Variants in SEZ6 observed in about 807,000 individuals in gnomAD.
SEZ6 encodes seizure protein 6 homolog.
Under a neutral mutation model 101.0 loss-of-function variants are expected in SEZ6, and 53 were observed. The ratio of observed to expected loss-of-function variants is 0.52; its 90% CI spans 0.42 to 0.66. The LOEUF is 0.66. Among genes scored for constraint, SEZ6 ranks in the 30% least tolerant of loss-of-function variants. SEZ6 has a pLI of 0.00. For missense variants in SEZ6, 1,102 were observed against 1,289.4 expected (o/e 0.85, Z 2.23); for synonymous variants, 488 against 512.2 (o/e 0.95, Z 0.64).
intron 1 of SEZ6, among the ~76,000 whole-genome samples, chr17:28,999,869 T>A (rs1479295125): frequency 1.3e-5 from 2 of 152,198 alleles, no homozygotes; most frequent in African/African-American, 2.4e-5. Flanking sequence ...ATAGTTCACC[T>A]GACTCCCAGC....
At chr17:28,991,893 CA>C (rs1458267149) in intron 1 of SEZ6, among the ~76,000 whole-genome samples, 2 of 152,168 alleles carry the variant, frequency 1.3e-5, no homozygotes, top group African/African-American at 4.8e-5. Flanking sequence ...AGCTCAGAGC[CA>C]GTTTAGGAGG....
In SEZ6 at chr17:28,955,646, A is replaced by C. The variant is rs1214487097; in HGVS notation, c.*316T>G. On this transcript the variant is annotated 3_prime_UTR_variant, in exon 17 of 17. Coordinates refer to ENST00000317338, the MANE Select transcript of SEZ6 (RefSeq NM_178860.5). ...TACTCCTGCTCTGCTAGTGTGTTCC[A>C]GGCTGGTCCAGGGCATGAGGAGGCT... is the stretch of plus-strand genomic sequence containing the variant. 6 of 589,634 alleles carry C rather than the reference A, an allele frequency of 1.0e-5. No homozygotes were observed. In the African/African-American group the frequency reaches 1.1e-4, roughly 11 times the overall value. The allele number at this position is 589,634 out of a possible 1,614,324, so 36.5% of individuals were successfully genotyped here.
At chr17:29,000,796 G>C (rs1293176888) in intron 1 of SEZ6, among the ~76,000 whole-genome samples, 1 of 152,196 alleles carries the variant, frequency 6.6e-6, no homozygotes, top group Non-Finnish European at 1.5e-5. Flanking sequence ...TCAGCCATTA[G>C]GGGTAGTGGG....
chr17:28,966,439 C>T lies in SEZ6; in HGVS notation c.1055-2292G>A, dbSNP rs147403771. On this transcript the variant is annotated intron_variant, in intron 4 of 16. Coordinates refer to ENST00000317338, the MANE Select transcript of SEZ6 (RefSeq NM_178860.5). The stretch of plus-strand genomic sequence containing the variant: ...CAGAGGTTGCAGTGAGTGGAGATTG[C>T]GCTACTGCACTCCAGCCTGGGCGGC... Among the ~76,000 whole-genome samples, 836 of 150,794 alleles carry T rather than the reference C, an allele frequency of 5.5e-3. 8 individuals carry two copies. Among genetic ancestry groups the T allele is most frequent in the African/African-American group, 0.019 (785 of 41,038 alleles).
Position 28,959,619 on chromosome 17 carries a change from T to C in SEZ6, c.1771+79A>G. 2.0e-6 allele frequency: 3 copies of C among 1,531,854 alleles called. No homozygotes were observed. Among genetic ancestry groups the C allele is most frequent in the South Asian group, 2.5e-5 (2 of 79,598 alleles). The allele number at this position is 1,531,854 out of a possible 1,614,324, so 94.9% of individuals were successfully genotyped here. Reference sequence around the variant, plus strand: ...AACCACGCATATCACAGGGCCCCTGTGGCCCCGGGCTCTGCTGCTATTCTC... The same window carrying C: ...AACCACGCATATCACAGGGCCCCTGCGGCCCCGGGCTCTGCTGCTATTCTC... On this transcript the variant is annotated intron_variant, in intron 8 of 16. Transcript: ENST00000317338. This position sits in a 1 kb window ranked among gnomAD's most constrained non-coding sequence, Gnocchi z 4.4.
chr17:28,968,168 G>A (rs1490438572), intron 4 of SEZ6, among the ~76,000 whole-genome samples: 1 of 152,192 alleles, frequency 6.6e-6, no homozygotes, highest in South Asian at 2.1e-4. Flanking sequence ...TCTAGCCCAC[G>A]GAGATTTGCG....
intron 1 of SEZ6, among the ~76,000 whole-genome samples, chr17:28,998,335 G>A (rs1435247491): frequency 6.6e-6 from 1 of 151,868 alleles, no homozygotes; most frequent in Non-Finnish European, 1.5e-5. Context: ...AGAGAGAAGA[G>A]CCTGTTGAGA....
rs2041680265 is a variant in SEZ6, at chr17:29,005,746, G to A, written c.55+69C>T. 1 of 1,425,208 alleles carries A rather than the reference G, an allele frequency of 7.0e-7. No homozygotes were observed. The highest frequency in any genetic ancestry group is 9.3e-7 in the Non-Finnish European group (1 of 1,075,594). The allele number at this position is 1,425,208 out of a possible 1,614,324, so 88.3% of individuals were successfully genotyped here. A position where few individuals can be genotyped will look rare whatever the true frequency, so the allele number is the denominator to read the frequency against. ...GCCAGATGCCCGAAGCTGGGCACCG[G>A]GTCTCCCTTCCCACCCCTGGGGCCC... On this transcript the variant is annotated intron_variant, in intron 1 of 16. Coordinates refer to ENST00000317338, the MANE Select transcript of SEZ6 (RefSeq NM_178860.5). This position sits in a 1 kb window ranked among gnomAD's most constrained non-coding sequence, Gnocchi z 4.8.
chr17:28,976,747 C>A (rs971259766), intron 3 of SEZ6, among the ~76,000 whole-genome samples: 1 of 152,206 alleles, frequency 6.6e-6, no homozygotes, highest in African/African-American at 2.4e-5. Context: ...CCCTACACAA[C>A]AAAGCCACCT....
rs759125535 is a variant in SEZ6 at position 28,981,708 on chromosome 17, T to C, written c.387A>G (p.Val129=). The stretch of plus-strand genomic sequence containing the variant: ...CCTCCTTGGACTGGGGCTGAGTGGG[T>C]ACCGCAGCCATGGCTGGAGTGGGGC... ...FTSPTPAMAA[V]PTQPQSKEGP... The change falls in exon 2 of 17, where the codon GTA becomes GTG. Residue 129 remains valine (V), a synonymous_variant. Transcript: ENST00000317338. 1 of 1,592,278 alleles carries C rather than the reference T, an allele frequency of 6.3e-7. No homozygotes were observed. Among genetic ancestry groups the C allele is most frequent in the South Asian group, 1.1e-5 (1 of 88,442 alleles).
At position 29,005,078 on chromosome 17, in the gene SEZ6, GGTGTGTGTGTGT is replaced by G. The variant is rs58063439; in HGVS notation, c.55+725_55+736del. On this transcript the variant is annotated intron_variant, in intron 1 of 16. Transcript: ENST00000317338. The surrounding 1 kb of genome is among the most constrained non-coding windows in gnomAD (Gnocchi z 4.8). ...GGAGGGAGGCAGAGCTCGGGGCAGT[GGTGTGTGTGTGT>G]GTGTGTGTGTGTGTGTGTGTGTGTG... Among the ~76,000 whole-genome samples the G allele has an allele frequency of 1.0e-4, 14 of 137,762 alleles. No individual in the cohort carries two copies. Among genetic ancestry groups the G allele is most frequent in the Admixed American group, 9.9e-4 (14 of 14,080 alleles). 90.4% of individuals were successfully genotyped at this position (137,762 alleles called of 152,430 possible).
chr17:28,967,752 G>A (rs2041091817), intron 4 of SEZ6, among the ~76,000 whole-genome samples: 1 of 152,170 alleles, frequency 6.6e-6, no homozygotes. Context: ...AACTGGGCTG[G>A]AATGGGGTGG....
At chr17:28,998,426 G>T (rs948659070) in intron 1 of SEZ6, among the ~76,000 whole-genome samples, 1 of 151,890 alleles carries the variant, frequency 6.6e-6, no homozygotes, top group Non-Finnish European at 1.5e-5. Flanking sequence ...GGACCCAGGG[G>T]TAGGGAGGGA....
Position 28,958,149 on chromosome 17 carries a change from C to T in SEZ6, c.2108-8G>A. The T allele has an allele frequency of 1.9e-6, 3 of 1,582,452 alleles. No homozygotes were observed. Among genetic ancestry groups the T allele is most frequent in the Non-Finnish European group, 2.6e-6 (3 of 1,157,452 alleles). On this transcript the variant is annotated splice_polypyrimidine_tract_variant and splice_region_variant and intron_variant, in intron 10 of 16. Coordinates refer to ENST00000317338, the MANE Select transcript of SEZ6 (RefSeq NM_178860.5). ...TGTCATTGCGGGGCACCTCTGGGGG[C>T]ACAGAGGCACAAGATGCAGGCCCTC...
chr17:28,990,942 G>A (rs909000411), intron 1 of SEZ6, among the ~76,000 whole-genome samples: 2 of 152,118 alleles, frequency 1.3e-5, no homozygotes, highest in African/African-American at 4.8e-5. Context: ...GTCTCACTCT[G>A]TCACTCAGGC....
intron 1 of SEZ6, among the ~76,000 whole-genome samples, chr17:28,991,755 G>T (rs1211005341): frequency 6.6e-6 from 1 of 152,114 alleles, no homozygotes; most frequent in African/African-American, 2.4e-5. Context: ...GAAAGGCCTC[G>T]GGGAACTGGG....
chr17:28,981,328 C>G, intron 2 of SEZ6, 43 bp downstream of exon 2: 1 of 1,512,486 alleles, frequency 6.6e-7, no homozygotes, highest in African/African-American at 1.4e-5. Context: ...CCGCAGCCTC[C>G]CCCATCCCCA....
intron 1 of SEZ6, among the ~76,000 whole-genome samples, chr17:28,998,474 C>T (rs1345313464): frequency 1.3e-5 from 2 of 151,950 alleles, no homozygotes; most frequent in African/African-American, 4.8e-5. Context: ...AGAGATTCTG[C>T]AGCACATGCG....
rs1305179282 is a variant in SEZ6, at chr17:28,981,384, T to TGTGGTGATGGTG, written c.699_710dup (p.Thr234_Thr237dup). 6.5e-7 allele frequency: 1 copy of TGTGGTGATGGTG among 1,549,760 alleles called. No homozygotes were observed. The highest frequency in any genetic ancestry group is 1.4e-5 in the African/African-American group (1 of 73,050). On this transcript the variant is annotated inframe_insertion, in exon 2 of 17. Coordinates refer to ENST00000317338, the MANE Select transcript of SEZ6 (RefSeq NM_178860.5). The stretch of plus-strand genomic sequence containing the variant: ...CAGGTAGCTGACCTGGTGTCTGGAC[T>TGTGGTGATGGTG]GTGGTGATGGTGGTGGTGATGATGG...
Sources: allele counts gnomAD v4.1 joint callset (sites outside exome capture counted in the v4.1 genomes callset), GRCh38; gene constraint gnomAD v4.1.1; non-coding constraint Gnocchi (gnomAD v3.1); transcripts MANE v1.5; gene names NCBI Gene and HGNC (gene_info 2026-07-23, HGNC 2026-07-21).